Variants in RGPD2 observed in about 807,000 individuals in gnomAD.
The protein encoded by RGPD2 is RANBP2-like and GRIP domain-containing protein 2.
Under a neutral mutation model 36.0 loss-of-function variants are expected in RGPD2, and 2 were observed. The observed-to-expected ratio is 0.06, with a 90% CI of 0.02 to 0.17. The LOEUF (loss-of-function observed/expected upper bound fraction) is 0.17, where lower values mean the gene tolerates loss of function less well. Ranked by LOEUF, RGPD2 falls within the 10% of genes least tolerant of loss-of-function variation. RGPD2 has a pLI of 1.00. For synonymous variants in RGPD2, 19 were observed against 163.8 expected (o/e 0.12, Z 6.75); for missense variants, 40 against 464.3 (o/e 0.09, Z 8.40).
chr2:87,839,757 C>T, the RGPD2 span, among the ~76,000 whole-genome samples: 4 of 151,934 alleles, frequency 2.6e-5, no homozygotes, highest in Non-Finnish European at 5.9e-5. Flanking sequence ...ACAGTAAATA[C>T]CACAGCCTAC....
chr2:87,832,758 C>T, the RGPD2 span, among the ~76,000 whole-genome samples: 1 of 151,440 alleles, frequency 6.6e-6, no homozygotes, highest in Non-Finnish European at 1.5e-5. Flanking sequence ...AAGTTTGAGA[C>T]CATCCTGGGC....
intron 1 of RGPD2, chr2:87,825,194 T>A: frequency 2.5e-6 from 1 of 393,564 alleles, no homozygotes. Flanking sequence ...CCTCTATTGA[T>A]CCCCACCTCC....
At chr2:87,977,620 C>A in the RGPD2 span, among the ~76,000 whole-genome samples, 1 of 148,162 alleles carries the variant, frequency 6.7e-6, no homozygotes, top group African/African-American at 2.5e-5. Flanking sequence ...TCGAGACCAG[C>A]CTAGGCATAC....
chr2:87,830,604 C>T (rs1419719687), upstream of RGPD2, among the ~76,000 whole-genome samples: 4 of 152,126 alleles, frequency 2.6e-5, no homozygotes, highest in Admixed American at 6.5e-5. Context: ...AGCTCATTCT[C>T]ATACTGCTAT....
the RGPD2 span, among the ~76,000 whole-genome samples, chr2:87,974,628 C>T: frequency 6.6e-6 from 1 of 152,194 alleles, no homozygotes; most frequent in Non-Finnish European, 1.5e-5. Context: ...TTATATCCAA[C>T]TCTATCAATG....
At chr2:87,867,718 A>C in the RGPD2 span, among the ~76,000 whole-genome samples, 1 of 151,298 alleles carries the variant, frequency 6.6e-6, no homozygotes. Flanking sequence ...TGAGAATTTA[A>C]CAAGCATTGT....
At chr2:87,967,398 G>A in the RGPD2 span, among the ~76,000 whole-genome samples, 2 of 149,468 alleles carry the variant, frequency 1.3e-5, no homozygotes, top group Admixed American at 6.6e-5. Context: ...GACAGAACGA[G>A]ACTCCATCTC....
the RGPD2 span, among the ~76,000 whole-genome samples, chr2:87,975,119 G>C: frequency 3.3e-5 from 5 of 152,042 alleles, no homozygotes; most frequent in Non-Finnish European, 7.4e-5. Flanking sequence ...CCTGGTCCAG[G>C]CTTTCTCTAC....
the RGPD2 span, among the ~76,000 whole-genome samples, chr2:87,940,411 TG>T: frequency 6.6e-6 from 1 of 150,714 alleles, no homozygotes; most frequent in Admixed American, 6.7e-5. Flanking sequence ...TTTGGGACCA[TG>T]AAATTTTAAA....
chr2:87,883,560 G>A, the RGPD2 span, among the ~76,000 whole-genome samples: 1 of 151,788 alleles, frequency 6.6e-6, no homozygotes, highest in African/African-American at 2.4e-5. Flanking sequence ...GTTATATGCT[G>A]CCTACAATAG....
chr2:87,863,720 A>C, the RGPD2 span, among the ~76,000 whole-genome samples: 12 of 151,974 alleles, frequency 7.9e-5, no homozygotes, highest in Non-Finnish European at 1.5e-5. Flanking sequence ...GTGTATATAT[A>C]TATATATGTA....
the RGPD2 span, among the ~76,000 whole-genome samples, chr2:87,971,502 T>C: frequency 4.3e-5 from 5 of 116,336 alleles, no homozygotes; most frequent in Non-Finnish European, 9.1e-5. Flanking sequence ...TCTCTGTCTA[T>C]ATGTCTAACT....
At chr2:87,894,354 C>G in the RGPD2 span, among the ~76,000 whole-genome samples, 1 of 150,984 alleles carries the variant, frequency 6.6e-6, no homozygotes, top group Non-Finnish European at 1.5e-5. Context: ...CAAGATACAT[C>G]TAATGGTCAC....
chr2:87,825,505 AGGCCGAGGCCGC>A (rs1233118183), intron 1 of RGPD2, among the ~76,000 whole-genome samples, 141 bp downstream of exon 1: 1 of 53,524 alleles, frequency 1.9e-5, no homozygotes, highest in Non-Finnish European at 3.6e-5. Context: ...GCCGAGGCCG[AGGCCGAGGCCGC>A]CGCCCGGCCG....
At chr2:87,919,369 T>C in the RGPD2 span, among the ~76,000 whole-genome samples, 1 of 151,568 alleles carries the variant, frequency 6.6e-6, no homozygotes, top group South Asian at 2.1e-4. Flanking sequence ...TCTATTCAAA[T>C]GTAACTTGTT....
the RGPD2 span, among the ~76,000 whole-genome samples, chr2:87,845,905 C>T: frequency 6.6e-6 from 1 of 151,800 alleles, no homozygotes; most frequent in Non-Finnish European, 1.5e-5. Context: ...ATTTTATTGA[C>T]AGTATTATCT....
the RGPD2 span, among the ~76,000 whole-genome samples, chr2:87,844,986 A>G: frequency 2.7e-5 from 3 of 109,812 alleles, no homozygotes; most frequent in African/African-American, 1.0e-4. Context: ...TAGGTAAATT[A>G]CTGATTCTTT....
the RGPD2 span, among the ~76,000 whole-genome samples, chr2:87,913,371 T>C: frequency 1.8e-4 from 27 of 151,602 alleles, no homozygotes; most frequent in Admixed American, 8.5e-4. Flanking sequence ...GGAAGGGGAA[T>C]ATCACACACT....
the RGPD2 span, among the ~76,000 whole-genome samples, chr2:87,905,170 A>C: frequency 1.3e-5 from 2 of 152,202 alleles, no homozygotes; most frequent in Non-Finnish European, 2.9e-5. Context: ...CTTCAGCAAC[A>C]TATATCTGCG....
Sources: gnomAD v4.1 joint callset for allele counts (sites outside exome capture counted in the v4.1 genomes callset) on GRCh38, gnomAD v4.1.1 for gene constraint, MANE v1.5 for transcripts, NCBI Gene and HGNC (gene_info 2026-07-23, HGNC 2026-07-21) for gene names.